LRRC37A2: variants seen among roughly 807,000 people sequenced by gnomAD.
LRRC37A2 encodes leucine-rich repeat-containing protein 37A2.
LRRC37A2 carries 9 observed loss-of-function variants against 68.8 expected under a neutral mutation model. The observed-to-expected ratio is 0.13, with a 90% confidence interval of 0.08 to 0.23. The LOEUF (loss-of-function observed/expected upper bound fraction) is 0.23. LRRC37A2 is among the 10% of genes least tolerant of loss of function. The pLI, the probability that LRRC37A2 is intolerant of heterozygous loss-of-function variation, is 1.00. For missense variants in LRRC37A2, 168 were observed against 950.4 expected (o/e 0.18, Z 10.82); for synonymous variants, 63 against 367.6 (o/e 0.17, Z 9.48).
intron 6 of LRRC37A2, among the ~76,000 whole-genome samples, chr17:46,537,109 TA>T (rs1267878380): frequency 9.4e-4 from 76 of 80,620 alleles, no homozygotes; most frequent in African/African-American, 4.7e-3. Flanking sequence ...TTTTTTTTGC[TA>T]TTTTTTTTGG....
the LRRC37A2 span, among the ~76,000 whole-genome samples, chr17:47,015,940 A>AT: frequency 1 from 151,747 of 151,784 alleles, 75,855 homozygotes; most frequent in Middle Eastern, 1. Context: ...CTTCCATTTT[A>AT]TTTATTTTAT....
chr17:46,838,499 C>T, the LRRC37A2 span, among the ~76,000 whole-genome samples: 653 of 151,942 alleles, frequency 4.3e-3, 6 homozygotes, highest in African/African-American at 0.015. Flanking sequence ...TGGTGGTATT[C>T]GCCCATAATC....
the LRRC37A2 span, among the ~76,000 whole-genome samples, chr17:46,779,053 T>TCTCACACA: frequency 3.4e-4 from 34 of 100,670 alleles, no homozygotes; most frequent in South Asian, 8.0e-4. Flanking sequence ...CCCTACCCCA[T>TCTCACACA]CACACACACA....
rs766255014 is a variant in LRRC37A2 at position 46,537,077 on chromosome 17, ATTTTTTTTTTTTTTT to A, written c.2907-3084_2907-3070del. On this transcript the variant is annotated intron_variant, in intron 6 of 14. Transcript: ENST00000576629. ...GTTCTGAAAAAGTTTATTGTGGTCA[ATTTTTTTTTTTTTTT>A]TTTTTTTTTTTTTTGCTATTTTTTT... Among the ~76,000 whole-genome samples, 13 of 34,816 alleles carry A rather than the reference ATTTTTTTTTTTTTTT, an allele frequency of 3.7e-4. No individual in the cohort carries two copies. The South Asian group carries it at 3.7e-3, about 10-fold the overall frequency. The allele number at this position is 34,816 out of a possible 152,430, so 22.8% of individuals were successfully genotyped here.
At chr17:46,938,740 G>A in the LRRC37A2 span, 17 of 1,613,824 alleles carry the variant, frequency 1.1e-5, no homozygotes, top group East Asian at 1.3e-4. Flanking sequence ...CATGTTCCTC[G>A]TGGTGCAGTA....
the LRRC37A2 span, among the ~76,000 whole-genome samples, chr17:46,808,823 C>G: frequency 6.6e-6 from 1 of 151,950 alleles, no homozygotes; most frequent in Non-Finnish European, 1.5e-5. Flanking sequence ...AAAAAGAAAC[C>G]CAGGGGAATT....
chr17:46,521,438 A>G (rs866370198), intron 4 of LRRC37A2, among the ~76,000 whole-genome samples: 1,351 of 53,030 alleles, frequency 0.025, 404 homozygotes, highest in Middle Eastern at 0.11. Context: ...CTATTCATTT[A>G]TTTTACAAAT....
chr17:46,803,638 G>C, the LRRC37A2 span, among the ~76,000 whole-genome samples: 35 of 152,364 alleles, frequency 2.3e-4, no homozygotes, highest in East Asian at 7.7e-4. Flanking sequence ...CTAGACAATG[G>C]TGACATGGGA....
At chr17:46,759,739 C>T in the LRRC37A2 span, among the ~76,000 whole-genome samples, 7 of 152,132 alleles carry the variant, frequency 4.6e-5, no homozygotes, top group Non-Finnish European at 8.8e-5. Flanking sequence ...TTTTCCCTAC[C>T]TTCTTTCCTT....
chr17:47,026,673 A>T, the LRRC37A2 span, among the ~76,000 whole-genome samples: 2 of 152,230 alleles, frequency 1.3e-5, no homozygotes, highest in African/African-American at 4.8e-5. Flanking sequence ...ATCACTGTAT[A>T]ACTGAATAAA....
the LRRC37A2 span, among the ~76,000 whole-genome samples, chr17:46,984,462 C>T: frequency 6.6e-6 from 1 of 152,160 alleles, no homozygotes; most frequent in Non-Finnish European, 1.5e-5. Flanking sequence ...TGCCTCTGGG[C>T]CAAGCCACCA....
At chr17:46,771,594 C>T in the LRRC37A2 span, among the ~76,000 whole-genome samples, 1 of 147,834 alleles carries the variant, frequency 6.8e-6, no homozygotes, top group Non-Finnish European at 1.5e-5. Flanking sequence ...CTCAATCCGC[C>T]TTTGTTCGCG....
intron 6 of LRRC37A2, among the ~76,000 whole-genome samples, chr17:46,534,742 G>A (rs904216435): frequency 3.3e-5 from 5 of 150,110 alleles, no homozygotes; most frequent in Non-Finnish European, 7.4e-5. Context: ...CGGCCGGGCA[G>A]AGGGGCTCCT....
the LRRC37A2 span, chr17:46,749,664 G>A: frequency 9.7e-7 from 1 of 1,036,006 alleles, no homozygotes; most frequent in South Asian, 2.1e-5. Flanking sequence ...CTAATCATTT[G>A]CATCGGCAAG....
chr17:46,887,765 A>AAAAGAAAGAAAGAAAG, the LRRC37A2 span, among the ~76,000 whole-genome samples: 9 of 150,718 alleles, frequency 6.0e-5, no homozygotes, highest in African/African-American at 1.7e-4. Context: ...CTCCCTGTCC[A>AAAAGAAAGAAAGAAAG]AAAGAAAGAA....
the LRRC37A2 span, among the ~76,000 whole-genome samples, chr17:46,840,523 C>A: frequency 6.6e-6 from 1 of 152,110 alleles, no homozygotes; most frequent in African/African-American, 2.4e-5. Flanking sequence ...GTGTACATAC[C>A]CAGTAATGGG....
the LRRC37A2 span, among the ~76,000 whole-genome samples, chr17:46,865,719 G>A: frequency 3.9e-5 from 6 of 152,096 alleles, 1 homozygote; most frequent in African/African-American, 1.4e-4. Flanking sequence ...GGGCTCAAGC[G>A]ATCCTCCTAG....
chr17:46,887,152 G>A, the LRRC37A2 span, among the ~76,000 whole-genome samples: 1 of 152,166 alleles, frequency 6.6e-6, no homozygotes, highest in African/African-American at 2.4e-5. Context: ...TGGAGTCATG[G>A]TAAAATGAGG....
At chr17:46,905,164 C>T in the LRRC37A2 span, among the ~76,000 whole-genome samples, 8 of 151,954 alleles carry the variant, frequency 5.3e-5, no homozygotes, top group African/African-American at 1.2e-4. Flanking sequence ...CTCTGCCTCC[C>T]GGGTTCAAGC....
Sources: gnomAD v4.1 joint callset for allele counts (sites outside exome capture counted in the v4.1 genomes callset) on GRCh38, gnomAD v4.1.1 for gene constraint, MANE v1.5 for transcripts, NCBI Gene and HGNC (gene_info 2026-07-23, HGNC 2026-07-21) for gene names.